SV2C: variants seen among roughly 807,000 people sequenced by gnomAD.
SV2C encodes the protein synaptic vesicle glycoprotein 2C, also known as solute carrier family 22 member B3.
Under a neutral mutation model 79.7 loss-of-function variants are expected in SV2C, and 49 were observed. The ratio of observed to expected loss-of-function variants is 0.61; its 90% CI spans 0.49 to 0.78. SV2C has a LOEUF of 0.78. Among genes scored for constraint, SV2C ranks in the 30% least tolerant of loss-of-function variants. The probability of loss-of-function intolerance (pLI) is 0.00; values close to 1 mark genes in which losing one functional copy is unlikely to be tolerated. For synonymous variants in SV2C, 334 were observed against 333.2 expected (o/e 1.00, Z -0.03); for missense variants, 833 against 912.9 (o/e 0.91, Z 1.13).
intron 4 of SV2C, among the ~76,000 whole-genome samples, chr5:76,248,224 AGTGCCACAGACTGG>A (rs1746004624): frequency 6.6e-6 from 1 of 152,242 alleles, no homozygotes; most frequent in African/African-American, 2.4e-5. Flanking sequence ...GCCATAACAA[AGTGCCACAGACTGG>A]GTGGCTTCAA....
In SV2C at chr5:76,332,325, G is replaced by T. The variant is rs548301438; in HGVS notation, c.*6778G>T. The T allele has an allele frequency of 3.9e-5, 6 of 152,316 alleles. No individual in the cohort carries two copies. Among genetic ancestry groups the T allele is most frequent in the African/African-American group, 1.4e-4 (6 of 41,556 alleles). The allele number at this position is 152,316 out of a possible 1,614,324, so 9.4% of individuals were successfully genotyped here. A position where few individuals can be genotyped will look rare whatever the true frequency, so the allele number is the denominator to read the frequency against. ...AACAGCTTTGTGGTGCCTGGGGAGT[G>T]ACTAGGCAGCCTGCTCACAGGGGCT... On this transcript the variant is annotated 3_prime_UTR_variant, in exon 13 of 13. Transcript: ENST00000502798.
the SV2C span, among the ~76,000 whole-genome samples, chr5:75,879,357 T>G: frequency 6.6e-6 from 1 of 152,120 alleles, no homozygotes; most frequent in Non-Finnish European, 1.5e-5. Flanking sequence ...CTATGAACCT[T>G]TAAAATCAAA....
the SV2C span, among the ~76,000 whole-genome samples, chr5:75,940,035 C>G: frequency 6.6e-6 from 1 of 152,184 alleles, no homozygotes; most frequent in Non-Finnish European, 1.5e-5. Context: ...ATTATATGTG[C>G]AGGAGTGTCT....
chr5:76,211,902 A>G (rs1744778397), intron 4 of SV2C, among the ~76,000 whole-genome samples: 1 of 152,222 alleles, frequency 6.6e-6, no homozygotes, highest in Admixed American at 6.5e-5. Context: ...AAAGCAAGAT[A>G]TAAGGAATTG....
the SV2C span, among the ~76,000 whole-genome samples, chr5:75,950,110 C>T: frequency 6.6e-6 from 1 of 152,030 alleles, no homozygotes; most frequent in Non-Finnish European, 1.5e-5. Flanking sequence ...GAACTGAGCC[C>T]TGGGGCACTG....
At chr5:76,229,140 G>A (rs980569684) in intron 4 of SV2C, among the ~76,000 whole-genome samples, 4 of 152,212 alleles carry the variant, frequency 2.6e-5, no homozygotes, top group Non-Finnish European at 5.9e-5. Flanking sequence ...TTGGGTGAAA[G>A]TGGAAACCCC....
chr5:76,026,089 T>C, the SV2C span, among the ~76,000 whole-genome samples: 2 of 152,032 alleles, frequency 1.3e-5, no homozygotes, highest in Admixed American at 1.3e-4. Flanking sequence ...CAATTATAGT[T>C]GGAAATGGAT....
intron 1 of SV2C, among the ~76,000 whole-genome samples, chr5:76,123,408 A>G (rs4425483): frequency 0.039 from 5,866 of 152,222 alleles, 373 homozygotes; most frequent in African/African-American, 0.13. Flanking sequence ...ACCAAAGCCT[A>G]GCAGAGACAC....
chr5:76,323,680 T>A (rs945864559), intron 12 of SV2C, among the ~76,000 whole-genome samples: 1 of 152,252 alleles, frequency 6.6e-6, no homozygotes, highest in Non-Finnish European at 1.5e-5. Flanking sequence ...ATGTGGTACA[T>A]GTACACCATG....
intron 1 of SV2C, among the ~76,000 whole-genome samples, chr5:76,127,218 A>C (rs1343224251): frequency 6.6e-6 from 1 of 152,202 alleles, no homozygotes; most frequent in Non-Finnish European, 1.5e-5. Flanking sequence ...ACACCAAGAG[A>C]AACATCTGTG....
In SV2C at chr5:76,327,770, T is replaced by A. The variant is rs1749054471; in HGVS notation, c.*2223T>A. The A allele has an allele frequency of 6.6e-6, 1 of 152,264 alleles. No individual in the cohort carries two copies. Among genetic ancestry groups the A allele is most frequent in the African/African-American group, 2.4e-5 (1 of 41,452 alleles). The allele number at this position is 152,264 out of a possible 1,614,324, so 9.4% of individuals were successfully genotyped here. ...TTTACTTTTCAAAATATCTCTAATG[T>A]CTGCTCTGGGGTCTAAATGCATAAA... On this transcript the variant is annotated 3_prime_UTR_variant, in exon 13 of 13. Coordinates refer to ENST00000502798, the MANE Select transcript of SV2C (RefSeq NM_014979.4).
the SV2C span, among the ~76,000 whole-genome samples, chr5:75,958,659 G>A: frequency 6.6e-6 from 1 of 151,942 alleles, no homozygotes; most frequent in Admixed American, 6.6e-5. Context: ...GGCTTTGGAA[G>A]TTTCTCAAAT....
At chr5:76,205,934 C>T (rs1287446660) in intron 3 of SV2C, among the ~76,000 whole-genome samples, 3 of 152,160 alleles carry the variant, frequency 2.0e-5, no homozygotes, top group Non-Finnish European at 4.4e-5. Flanking sequence ...CAGACATTGC[C>T]AGATATCTTC....
rs1047693860 is a variant in SV2C at position 76,317,440 on chromosome 5, C to T, written c.2001-7924C>T. Among the ~76,000 whole-genome samples, 5 of 151,518 alleles carry T rather than the reference C, an allele frequency of 3.3e-5. No homozygotes were observed. The East Asian group carries it at 9.7e-4, about 29-fold the overall frequency. ...TTCTAGACAAAAAGAACCACCCCCC[C>T]CAACACACACACACATACACACACA... is the stretch of plus-strand genomic sequence containing the variant. On this transcript the variant is annotated intron_variant, in intron 12 of 12. Transcript: ENST00000502798.
At chr5:76,262,148 T>C (rs1746490732) in intron 4 of SV2C, among the ~76,000 whole-genome samples, 1 of 152,242 alleles carries the variant, frequency 6.6e-6, no homozygotes, top group East Asian at 1.9e-4. Flanking sequence ...ATTCAATTTC[T>C]TCCTGGTTTA....
chr5:76,014,101 A>G, the SV2C span, among the ~76,000 whole-genome samples: 1 of 151,554 alleles, frequency 6.6e-6, no homozygotes, highest in Non-Finnish European at 1.5e-5. Context: ...AAGGAAAGAA[A>G]GAGAGGATGA....
At chr5:76,013,231 T>C in the SV2C span, among the ~76,000 whole-genome samples, 3 of 152,166 alleles carry the variant, frequency 2.0e-5, no homozygotes, top group African/African-American at 4.8e-5. Context: ...ATTCTTCCTA[T>C]CCATAAGCAT....
the SV2C span, among the ~76,000 whole-genome samples, chr5:75,984,247 C>A: frequency 6.6e-6 from 1 of 152,100 alleles, no homozygotes; most frequent in Admixed American, 6.5e-5. Flanking sequence ...TACCAAAAAG[C>A]AGATTTACAT....
At position 76,218,314 on chromosome 5, in the gene SV2C, A is replaced by T. The variant is rs1009843727; in HGVS notation, c.913+8427A>T. ...TAAAGACACATGCACATGTATGTTT[A>T]TTGCAGCACTATTTATAATAGCAAA... On this transcript the variant is annotated intron_variant, in intron 4 of 12. Transcript: ENST00000502798. Among the ~76,000 whole-genome samples the T allele has an allele frequency of 5.3e-5, 8 of 152,246 alleles. No individual in the cohort carries two copies. The East Asian group carries it at 1.5e-3, about 29-fold the overall frequency.
Sources: allele counts gnomAD v4.1 joint callset (sites outside exome capture counted in the v4.1 genomes callset), GRCh38; gene constraint gnomAD v4.1.1; transcripts MANE v1.5; gene names NCBI Gene and HGNC (gene_info 2026-07-23, HGNC 2026-07-21).